Variants in RETREG1 observed in about 807,000 individuals in gnomAD.
The protein encoded by RETREG1 is family with sequence similarity 134 member B.
In RETREG1, 44 loss-of-function variants were observed where a neutral mutation model predicts 54.8. The ratio of observed to expected loss-of-function variants is 0.80; its 90% CI spans 0.63 to 1.03. RETREG1 has a LOEUF of 1.03. RETREG1 is among the 50% of genes least tolerant of loss of function. The probability of loss-of-function intolerance (pLI) is 0.00; values close to 1 mark genes in which losing one functional copy is unlikely to be tolerated. For missense variants in RETREG1, 554 were observed against 605.1 expected, an observed-to-expected ratio of 0.92 and a Z score of 0.89; for synonymous variants, 217 against 238.5, an observed-to-expected ratio of 0.91 and a Z score of 0.83.
At chr5:16,580,528 G>T (rs1742452260) in intron 1 of RETREG1, among the ~76,000 whole-genome samples, 1 of 152,188 alleles carries the variant, frequency 6.6e-6, no homozygotes. Context: ...ATGGGGTGCA[G>T]CCTGAGCCAA....
intron 1 of RETREG1, among the ~76,000 whole-genome samples, chr5:16,574,072 T>C (rs1579698459): frequency 6.6e-6 from 1 of 152,162 alleles, no homozygotes; most frequent in East Asian, 1.9e-4. Flanking sequence ...AAGCGGCACT[T>C]AACTGGGTCT....
At chr5:16,570,476 G>A (rs1342517039) in intron 2 of RETREG1, among the ~76,000 whole-genome samples, 1 of 152,152 alleles carries the variant, frequency 6.6e-6, no homozygotes, top group Admixed American at 6.6e-5. Context: ...AGGAAACACT[G>A]AAAACACTCA....
At chr5:16,616,353 A>C in intron 1 of RETREG1, 2 of 388,654 alleles carry the variant, frequency 5.1e-6, no homozygotes, top group East Asian at 5.0e-5. Flanking sequence ...GCAGGGGCGA[A>C]GTTTTCAAGC....
At chr5:16,577,117 T>G (rs535379895) in intron 1 of RETREG1, among the ~76,000 whole-genome samples, 42 of 152,312 alleles carry the variant, frequency 2.8e-4, no homozygotes, top group African/African-American at 9.6e-4. Flanking sequence ...GGATTTTAAG[T>G]GTCCTGGACC....
chr5:16,563,269 AT>A (rs1463343566), intron 3 of RETREG1, among the ~76,000 whole-genome samples: 1 of 151,978 alleles, frequency 6.6e-6, no homozygotes. Flanking sequence ...ATTTTATGTT[AT>A]TTTTTAAGAC....
At position 16,478,078 on chromosome 5, in the gene RETREG1, G is replaced by T; in HGVS notation, c.829C>A (p.His277Asn). The T allele has an allele frequency of 6.2e-7, 1 of 1,611,010 alleles. No individual in the cohort carries two copies. The highest frequency in any genetic ancestry group is 8.5e-7 in the Non-Finnish European group (1 of 1,178,214). Reference protein sequence around the residue: ...ERSEADKEKSHKDDSELDFSA... With the variant: ...ERSEADKEKSNKDDSELDFSA... ...AAGTCTAATTCACTGTCATCTTTGTGACTTTTTTCTTTGTCTGCTTCTGTT... is the reference window on the plus strand; with the variant it reads ...AAGTCTAATTCACTGTCATCTTTGTTACTTTTTTCTTTGTCTGCTTCTGTT... The change falls in exon 7 of 9, where the codon CAC (histidine) becomes AAC (asparagine). Residue 277 changes from histidine (H) to asparagine (N), a missense_variant. This residue lies in a region of RETREG1 where 347 missense variants were observed against 412.3 expected (regional missense o/e 0.84). Coordinates refer to ENST00000306320, the MANE Select transcript of RETREG1 (RefSeq NM_001034850.3).
chr5:16,477,657 C>T lies in RETREG1; in HGVS notation c.1000+5G>A. 2.5e-6 allele frequency: 4 copies of T among 1,612,630 alleles called. No individual in the cohort carries two copies. Among genetic ancestry groups the T allele is most frequent in the Non-Finnish European group, 3.4e-6 (4 of 1,179,046 alleles). On this transcript the variant is annotated splice_donor_5th_base_variant and intron_variant, in intron 8 of 8. Transcript: ENST00000306320. Reference sequence around the variant, plus strand: ...AAATAAATGTCTCCAGAAATATTAGCATACCATCAGAAGTGTCTGTCTGTG... The same window carrying T: ...AAATAAATGTCTCCAGAAATATTAGTATACCATCAGAAGTGTCTGTCTGTG...
At chr5:16,538,477 T>C (rs1741139857) in intron 3 of RETREG1, among the ~76,000 whole-genome samples, 1 of 152,162 alleles carries the variant, frequency 6.6e-6, no homozygotes, top group South Asian at 2.1e-4. Flanking sequence ...TGCTACACAT[T>C]CATGATCTCA....
At chr5:16,575,463 A>G (rs113676361) in intron 1 of RETREG1, among the ~76,000 whole-genome samples, 352 of 152,366 alleles carry the variant, frequency 2.3e-3, no homozygotes, top group African/African-American at 7.7e-3. Context: ...TTCAAAACCA[A>G]TGAAATGCAA....
intron 1 of RETREG1, among the ~76,000 whole-genome samples, chr5:16,581,701 A>G (rs770952650): frequency 6.6e-6 from 1 of 152,058 alleles, no homozygotes; most frequent in Non-Finnish European, 1.5e-5. Flanking sequence ...AGCCATCACA[A>G]ACATCTCTCT....
rs182220480 is a variant in RETREG1, at chr5:16,558,028, A to G, written c.458+7735T>C. The stretch of plus-strand genomic sequence containing the variant: ...GTTATAAAAGTGAGTTTGAGAAAAA[A>G]CAAAATTTAAAAAAAGAAAGAAAAA... On this transcript the variant is annotated intron_variant, in intron 3 of 8. Transcript: ENST00000306320. Among the ~76,000 whole-genome samples the G allele has an allele frequency of 6.0e-3, 918 of 152,182 alleles. 5 individuals carry two copies. Among genetic ancestry groups the G allele is most frequent in the Non-Finnish European group, 9.7e-3 (662 of 68,022 alleles).
chr5:16,524,530 A>G (rs1362896866), intron 3 of RETREG1, among the ~76,000 whole-genome samples: 1 of 152,198 alleles, frequency 6.6e-6, no homozygotes, highest in Non-Finnish European at 1.5e-5. Context: ...TCATACACAC[A>G]ATTCATCATA....
chr5:16,490,376 C>T (rs1292758834), intron 3 of RETREG1, among the ~76,000 whole-genome samples: 2 of 152,066 alleles, frequency 1.3e-5, no homozygotes, highest in African/African-American at 2.4e-5. Context: ...TATAAGATTA[C>T]ACAGATTACT....
At chr5:16,576,621 G>A (rs1742327279) in intron 1 of RETREG1, among the ~76,000 whole-genome samples, 1 of 152,186 alleles carries the variant, frequency 6.6e-6, no homozygotes, top group South Asian at 2.1e-4. Flanking sequence ...GAGTAGCTGG[G>A]ATTACAGGCA....
chr5:16,525,485 G>A (rs1311803458), intron 3 of RETREG1, among the ~76,000 whole-genome samples: 1 of 152,146 alleles, frequency 6.6e-6, no homozygotes, highest in Non-Finnish European at 1.5e-5. Context: ...TCTTCACAGT[G>A]AATGAAGTTA....
chr5:16,492,229 T>TCTCTCACACACA (rs1406702350), intron 3 of RETREG1, among the ~76,000 whole-genome samples: 5 of 110,570 alleles, frequency 4.5e-5, no homozygotes, highest in Non-Finnish European at 7.8e-5. Flanking sequence ...TCTCTCTCTC[T>TCTCTCACACACA]CACACACACA....
chr5:16,478,314 T>C (rs552921872), intron 6 of RETREG1, among the ~76,000 whole-genome samples: 1 of 152,258 alleles, frequency 6.6e-6, no homozygotes, highest in East Asian at 1.9e-4. Flanking sequence ...TCTCTTAATA[T>C]TGTCCCTGAA....
intron 3 of RETREG1, among the ~76,000 whole-genome samples, chr5:16,492,975 A>G (rs1222388292): frequency 6.6e-6 from 1 of 152,160 alleles, no homozygotes. Context: ...GACTCCTCCC[A>G]AGGCCAGGGA....
chr5:16,606,788 C>T (rs1182176783), intron 1 of RETREG1, among the ~76,000 whole-genome samples: 1 of 152,218 alleles, frequency 6.6e-6, no homozygotes, highest in East Asian at 1.9e-4. Context: ...AATGGTGTCC[C>T]AGCTGGTGCC....
Sources: gnomAD v4.1 joint callset for allele counts (sites outside exome capture counted in the v4.1 genomes callset) on GRCh38, gnomAD v4.1.1 for gene constraint, gnomAD v4.1.1 regional missense constraint, MANE v1.5 for transcripts, NCBI Gene and HGNC (gene_info 2026-07-23, HGNC 2026-07-21) for gene names.